PPIL3: variants seen among roughly 807,000 people sequenced by gnomAD.
PPIL3 encodes peptidylprolyl isomerase like 3.
In PPIL3, 13 loss-of-function variants were observed where a neutral mutation model predicts 20.9. That is an observed-to-expected ratio of 0.62 (90% confidence interval 0.40 to 0.99). The LOEUF (loss-of-function observed/expected upper bound fraction) is 0.99. Ranked by LOEUF, PPIL3 falls within the 50% of genes least tolerant of loss-of-function variation. PPIL3 has a pLI of 0.00. For synonymous variants in PPIL3, 71 were observed against 64.4 expected (o/e 1.10, Z -0.49); for missense variants, 170 against 195.2 (o/e 0.87, Z 0.77).
chr2:200,889,267 T>C (rs2040105390), upstream of PPIL3: 10 of 323,966 alleles, frequency 3.1e-5, no homozygotes, highest in South Asian at 2.4e-4. Context: ...AGCAATGCTT[T>C]ACACTCGGCT....
At position 200,871,320 on chromosome 2, in the gene PPIL3, C is replaced by T. The variant is rs2039295593; in HGVS notation, c.*75G>A. The T allele has an allele frequency of 4.9e-6, 7 of 1,435,296 alleles. No homozygotes were observed. The highest frequency in any genetic ancestry group is 6.7e-6 in the Non-Finnish European group (7 of 1,051,556). The allele number at this position is 1,435,296 out of a possible 1,614,324, so 88.9% of individuals were successfully genotyped here. Reference sequence around the variant, plus strand: ...AGCAGAAGGATGATGCAATCTCTGACATAATTAAAACCGGGTAAACCACAA... The same window carrying T: ...AGCAGAAGGATGATGCAATCTCTGATATAATTAAAACCGGGTAAACCACAA... On this transcript the variant is annotated 3_prime_UTR_variant, in exon 7 of 7. Coordinates refer to ENST00000392283, the MANE Select transcript of PPIL3 (RefSeq NM_130906.3).
At chr2:200,888,878 G>T (rs1374361104) in intron 1 of PPIL3, 78 bp downstream of exon 1, 3 of 469,616 alleles carry the variant, frequency 6.4e-6, no homozygotes, top group Middle Eastern at 3.2e-4. Context: ...AGTATCCCAA[G>T]AACTAAACCA....
intron 3 of PPIL3, 56 bp downstream of exon 3, chr2:200,885,642 A>C: frequency 8.9e-7 from 1 of 1,124,786 alleles, no homozygotes; most frequent in South Asian, 1.3e-5. Flanking sequence ...ATTCAATTCC[A>C]AAGTGCTTAT....
intron 1 of PPIL3, among the ~76,000 whole-genome samples, chr2:200,887,960 G>A (rs1159053889): frequency 4.0e-5 from 6 of 151,520 alleles, no homozygotes; most frequent in Non-Finnish European, 8.8e-5. Flanking sequence ...AGCAGGCTGC[G>A]GCAGGAGAAT....
intron 6 of PPIL3, among the ~76,000 whole-genome samples, chr2:200,871,743 A>G (rs531395853): frequency 8.5e-5 from 13 of 152,336 alleles, no homozygotes; most frequent in Admixed American, 4.6e-4. Context: ...AAGGGTAGGA[A>G]TATTTCCACC....
At chr2:200,881,871 T>C (rs931869571) in intron 4 of PPIL3, 1 of 224,604 alleles carries the variant, frequency 4.5e-6, no homozygotes, top group African/African-American at 2.3e-5. Flanking sequence ...TGCTTTAAAA[T>C]TGCACCATGT....
rs1432969658 is a variant in PPIL3 at position 200,871,310 on chromosome 2, CA to C, written c.*84del. The C allele has an allele frequency of 4.9e-5, 67 of 1,368,712 alleles. 2 individuals carry two copies. The Admixed American group carries it at 1.4e-3, about 30-fold the overall frequency. 84.8% of individuals were successfully genotyped at this position (1,368,712 alleles called of 1,614,324 possible). A position where few individuals can be genotyped will look rare whatever the true frequency, so the allele number is the denominator to read the frequency against. The stretch of plus-strand genomic sequence containing the variant: ...GTTGTAAACAAGCAGAAGGATGATG[CA>C]ATCTCTGACATAATTAAAACCGGGT... On this transcript the variant is annotated 3_prime_UTR_variant, in exon 7 of 7. Transcript: ENST00000392283.
At chr2:200,873,646 G>A (rs896141406) in intron 6 of PPIL3, among the ~76,000 whole-genome samples, 3 of 150,802 alleles carry the variant, frequency 2.0e-5, no homozygotes, top group African/African-American at 7.3e-5. Context: ...ACAAGTTTTG[G>A]AAATTTCAGT....
chr2:200,889,174 C>A (rs930912031), upstream of PPIL3: 1 of 393,920 alleles, frequency 2.5e-6, no homozygotes, highest in Non-Finnish European at 5.1e-6. Context: ...TATCCCCAAC[C>A]GGAAATTTGA....
intron 6 of PPIL3, among the ~76,000 whole-genome samples, chr2:200,872,790 A>G (rs955848531): frequency 6.6e-6 from 1 of 152,214 alleles, no homozygotes; most frequent in East Asian, 1.9e-4. Context: ...CAGGAAATAC[A>G]TGGAGAAAGT....
intron 6 of PPIL3, among the ~76,000 whole-genome samples, chr2:200,876,241 T>C (rs543944052): frequency 7.3e-5 from 11 of 151,382 alleles, no homozygotes; most frequent in African/African-American, 2.4e-4. Flanking sequence ...GACCAGGAGG[T>C]TGAGGCTGCA....
intron 6 of PPIL3, among the ~76,000 whole-genome samples, chr2:200,874,225 A>T (rs1393303955): frequency 6.6e-6 from 1 of 150,916 alleles, no homozygotes; most frequent in African/African-American, 2.4e-5. Flanking sequence ...AAAAAAAAAA[A>T]TTAGCAGATT....
intron 6 of PPIL3, among the ~76,000 whole-genome samples, chr2:200,874,074 G>A (rs1034851724): frequency 2.5e-4 from 38 of 151,496 alleles, no homozygotes; most frequent in African/African-American, 6.5e-4. Context: ...GCGCGGTGGC[G>A]GGCGCCTGTA....
chr2:200,871,655 CA>C (rs2039310338), intron 6 of PPIL3, 134 bp from the exon 7 acceptor site: 1 of 748,426 alleles, frequency 1.3e-6, no homozygotes, highest in South Asian at 2.1e-5. Context: ...GAATGTACAA[CA>C]AAATGTTGAT....
chr2:200,882,227 T>A (rs1309424482), intron 4 of PPIL3, 115 bp downstream of exon 4: 1 of 747,562 alleles, frequency 1.3e-6, no homozygotes, highest in African/African-American at 1.7e-5. Context: ...AGAACAGAAC[T>A]TATTAAACAA....
At chr2:200,882,210 T>A in intron 4 of PPIL3, 132 bp downstream of exon 4, 1 of 671,078 alleles carries the variant, frequency 1.5e-6, no homozygotes, top group East Asian at 2.6e-5. Flanking sequence ...GCATGTTCTG[T>A]ACTTGTAGAA....
intron 6 of PPIL3, among the ~76,000 whole-genome samples, chr2:200,874,894 A>G (rs1040645386): frequency 4.6e-5 from 7 of 152,158 alleles, no homozygotes; most frequent in African/African-American, 1.7e-4. Context: ...CACCTGGATA[A>G]TTTTTAAATT....
At chr2:200,887,380 A>T (rs1366265022) in intron 2 of PPIL3, among the ~76,000 whole-genome samples, 1 of 119,264 alleles carries the variant, frequency 8.4e-6, no homozygotes, top group East Asian at 2.2e-4. Context: ...AGTGAAACTC[A>T]AAAAAAAAAA....
In PPIL3 at chr2:200,871,311, A is replaced by G. The variant is rs2039295171; in HGVS notation, c.*84T>C. ...TTGTAAACAAGCAGAAGGATGATGC[A>G]ATCTCTGACATAATTAAAACCGGGT... On this transcript the variant is annotated 3_prime_UTR_variant, in exon 7 of 7. Coordinates refer to ENST00000392283, the MANE Select transcript of PPIL3 (RefSeq NM_130906.3). The G allele has an allele frequency of 7.2e-7, 1 of 1,382,270 alleles. No homozygotes were observed. Among genetic ancestry groups the G allele is most frequent in the African/African-American group, 1.5e-5 (1 of 68,724 alleles). 85.6% of individuals were successfully genotyped at this position (1,382,270 alleles called of 1,614,324 possible).
Sources: allele counts gnomAD v4.1 joint callset (sites outside exome capture counted in the v4.1 genomes callset), GRCh38; gene constraint gnomAD v4.1.1; transcripts MANE v1.5; gene names NCBI Gene and HGNC (gene_info 2026-07-23, HGNC 2026-07-21).